The following OGA variants were observed in gnomAD, a reference collection of about 807,000 sequenced individuals.
OGA encodes O-GlcNAcase, also known as protein O-GlcNAcase.
OGA carries 21 observed loss-of-function variants against 102.0 expected under a neutral mutation model. The ratio of observed to expected loss-of-function variants is 0.21; its 90% CI spans 0.15 to 0.30. The LOEUF (loss-of-function observed/expected upper bound fraction) is 0.30, where lower values mean the gene tolerates loss of function less well. Among genes scored for constraint, OGA ranks in the 10% least tolerant of loss-of-function variants. OGA has a pLI of 1.00. For missense variants in OGA, 765 were observed against 1,107.8 expected, an observed-to-expected ratio of 0.69 and a Z score of 4.39; for synonymous variants, 408 against 378.2, an observed-to-expected ratio of 1.08 and a Z score of -0.91.
At chr10:101,803,035 G>A (rs1453073042) in intron 7 of OGA, among the ~76,000 whole-genome samples, 1 of 149,820 alleles carries the variant, frequency 6.7e-6, no homozygotes, top group Non-Finnish European at 1.5e-5. Flanking sequence ...CAGCTACTCG[G>A]GAGGCTGAGG....
chr10:101,794,064 C>T, intron 10 of OGA, 66 bp from the exon 11 acceptor site: 1 of 1,139,096 alleles, frequency 8.8e-7, no homozygotes, highest in Admixed American at 1.8e-5. Context: ...CTCAAATGTC[C>T]AACAAACTGA....
chr10:101,786,361 A>C lies in OGA; in HGVS notation c.*90T>G. On this transcript the variant is annotated 3_prime_UTR_variant, in exon 16 of 16. Transcript: ENST00000361464. ...GAATCCAATTGGCTGATTTGTTACCATTCTAGAGGCTGAACTGTATGAAGA... is the reference window on the plus strand; with the variant it reads ...GAATCCAATTGGCTGATTTGTTACCCTTCTAGAGGCTGAACTGTATGAAGA... The C allele has an allele frequency of 7.7e-7, 1 of 1,304,734 alleles. No homozygotes were observed. The highest frequency in any genetic ancestry group is 2.0e-4 in the Middle Eastern group (1 of 5,112). 80.8% of individuals were successfully genotyped at this position (1,304,734 alleles called of 1,614,324 possible). A position where few individuals can be genotyped will look rare whatever the true frequency, so the allele number is the denominator to read the frequency against.
chr10:101,817,779 C>G (rs750278964), intron 1 of OGA, 45 bp downstream of exon 1: 1 of 1,531,894 alleles, frequency 6.5e-7, no homozygotes, highest in Non-Finnish European at 8.7e-7. Context: ...CTCCCGAGGA[C>G]AGAACGTGTT....
intron 14 of OGA, 65 bp from the exon 15 acceptor site, chr10:101,787,588 G>T: frequency 7.4e-7 from 1 of 1,347,174 alleles, no homozygotes; most frequent in South Asian, 1.3e-5. Flanking sequence ...CCCAACTACA[G>T]AACTTAGCAA....
chr10:101,803,534 T>C (rs1014006452), intron 7 of OGA, among the ~76,000 whole-genome samples: 9 of 150,796 alleles, frequency 6.0e-5, no homozygotes, highest in Middle Eastern at 3.5e-3. Context: ...TTCTATCATA[T>C]ACATCTTCAT....
At chr10:101,814,130 C>G (rs1272047542) in intron 1 of OGA, among the ~76,000 whole-genome samples, 1 of 151,686 alleles carries the variant, frequency 6.6e-6, no homozygotes, top group Non-Finnish European at 1.5e-5. Flanking sequence ...GAGTTCCAGA[C>G]CCAGCCTGGC....
intron 2 of OGA, 119 bp from the exon 3 acceptor site, chr10:101,813,246 G>T: frequency 1.4e-6 from 1 of 703,226 alleles, no homozygotes; most frequent in Non-Finnish European, 2.4e-6. Flanking sequence ...TATGACAGTA[G>T]CTTTTAACCT....
intron 7 of OGA, among the ~76,000 whole-genome samples, chr10:101,801,636 T>C (rs1292044933): frequency 1.3e-5 from 2 of 152,242 alleles, no homozygotes; most frequent in African/African-American, 4.8e-5. Flanking sequence ...TTAAGTGCCA[T>C]GTACGCTGAC....
intron 11 of OGA, 64 bp downstream of exon 11, chr10:101,793,849 C>T (rs1395876884): frequency 2.8e-5 from 34 of 1,231,436 alleles, no homozygotes; most frequent in East Asian, 2.4e-4. Context: ...CCATCTGATG[C>T]GCAACATAAG....
At chr10:101,795,838 G>C in intron 10 of OGA, 1 of 864,460 alleles carries the variant, frequency 1.2e-6, no homozygotes, top group Non-Finnish European at 1.4e-6. Flanking sequence ...AACTCACAAT[G>C]TTTTAAGAAA....
chr10:101,790,132 G>T (rs1209333293), intron 14 of OGA, among the ~76,000 whole-genome samples: 1 of 152,104 alleles, frequency 6.6e-6, no homozygotes, highest in Non-Finnish European at 1.5e-5. Flanking sequence ...AGACTCTCAA[G>T]AGCTCTTATT....
intron 1 of OGA, among the ~76,000 whole-genome samples, chr10:101,814,052 G>C (rs745428121): frequency 6.7e-6 from 1 of 150,236 alleles, no homozygotes; most frequent in Non-Finnish European, 1.5e-5. Context: ...GGGAGGCCGG[G>C]TGAGGTGACC....
intron 13 of OGA, 46 bp downstream of exon 13, chr10:101,791,308 C>T: frequency 6.7e-7 from 1 of 1,485,188 alleles, no homozygotes; most frequent in Non-Finnish European, 9.4e-7. Flanking sequence ...CCTGATAAGC[C>T]TCACTATGAA....
chr10:101,799,190 A>C lies in OGA; in HGVS notation c.1461T>G (p.Ile487Met). 3 of 1,614,152 alleles carry C rather than the reference A, an allele frequency of 1.9e-6. No individual in the cohort carries two copies. The highest frequency in any genetic ancestry group is 2.5e-6 in the Non-Finnish European group (3 of 1,180,020). Reference protein sequence around the residue: ...HKNDNQILSEIVEAKMAEELK... With the variant: ...HKNDNQILSEMVEAKMAEELK... ...ATTCCTCTGCCATTTTCGCTTCAAC[A>C]ATTTCACTCAGTATTTGATTGTCAT... is the stretch of plus-strand genomic sequence containing the variant. Residue 487 changes from isoleucine to methionine, a missense_variant, in exon 9 of 16, where the codon ATT becomes ATG. Coordinates refer to ENST00000361464, the MANE Select transcript of OGA (RefSeq NM_012215.5).
intron 5 of OGA, 135 bp from the exon 6 acceptor site, chr10:101,806,278 C>T (rs1023364899): frequency 3.7e-5 from 20 of 539,370 alleles, no homozygotes; most frequent in Non-Finnish European, 5.4e-5. Context: ...TCTCGGCTCA[C>T]TGCAACCTCT....
At chr10:101,803,504 C>G (rs2065424964) in intron 7 of OGA, among the ~76,000 whole-genome samples, 1 of 151,052 alleles carries the variant, frequency 6.6e-6, no homozygotes, top group African/African-American at 2.4e-5. Flanking sequence ...AGTGACTTGT[C>G]CAAAGACACT....
intron 6 of OGA, among the ~76,000 whole-genome samples, chr10:101,805,130 G>A (rs768667733): frequency 1.3e-5 from 2 of 151,672 alleles, no homozygotes; most frequent in Non-Finnish European, 2.9e-5. Context: ...TCTACCTCCC[G>A]GGCTCAAGTG....
At chr10:101,802,779 T>G (rs1009583727) in intron 7 of OGA, among the ~76,000 whole-genome samples, 3 of 151,744 alleles carry the variant, frequency 2.0e-5, no homozygotes, top group Non-Finnish European at 4.4e-5. Context: ...GCACCTTACT[T>G]AGAACTCTAT....
At chr10:101,792,788 T>G in intron 12 of OGA, 51 bp downstream of exon 12, 1 of 1,314,658 alleles carries the variant, frequency 7.6e-7, no homozygotes, top group Admixed American at 1.8e-5. Context: ...GGTTAAGTTT[T>G]AAGTGTGCAC....
Sources: gnomAD v4.1 joint callset for allele counts (sites outside exome capture counted in the v4.1 genomes callset) on GRCh38, gnomAD v4.1.1 for gene constraint, MANE v1.5 for transcripts, NCBI Gene and HGNC (gene_info 2026-07-23, HGNC 2026-07-21) for gene names.